The following MAP3K4 variants were observed in gnomAD, a reference collection of about 807,000 sequenced individuals.
MAP3K4 encodes mitogen-activated protein kinase kinase kinase 4.
A neutral mutation model predicts 185.6 loss-of-function variants in MAP3K4; 67 were observed. That is an observed-to-expected ratio of 0.36 (90% CI 0.30 to 0.44). The LOEUF (loss-of-function observed/expected upper bound fraction) is 0.44. MAP3K4 is among the 20% of genes least tolerant of loss of function. MAP3K4 has a pLI of 1.00. For missense variants in MAP3K4, 1,551 were observed against 1,995.1 expected, an observed-to-expected ratio of 0.78 and a Z score of 4.24; for synonymous variants, 702 against 710.4, an observed-to-expected ratio of 0.99 and a Z score of 0.19.
chr6:161,016,238 T>A (rs1342383493), intron 1 of MAP3K4, among the ~76,000 whole-genome samples: 5 of 152,322 alleles, frequency 3.3e-5, no homozygotes, highest in Middle Eastern at 3.4e-3. Flanking sequence ...GTTCTTTGTA[T>A]ATTCTTTATA....
At chr6:161,102,891 C>G (rs774367077) in intron 19 of MAP3K4, 112 bp downstream of exon 19, 30 of 636,278 alleles carry the variant, frequency 4.7e-5, no homozygotes, top group Non-Finnish European at 7.2e-5. Context: ...ATTAGGCCTC[C>G]TCCATTACTA....
rs1777789242 is a variant in MAP3K4, at chr6:161,100,461, TATC to T, written c.3675-1427_3675-1425del. Among the ~76,000 whole-genome samples, 1 of 152,176 alleles carries T rather than the reference TATC, an allele frequency of 6.6e-6. No homozygotes were observed. Among genetic ancestry groups the T allele is most frequent in the African/African-American group, 2.4e-5 (1 of 41,428 alleles). On this transcript the variant is annotated intron_variant, in intron 17 of 26. Transcript: ENST00000392142. The surrounding 1 kb of genome is among the most constrained non-coding windows in gnomAD (Gnocchi z 5.8). Reference sequence around the variant, plus strand: ...TATCTGTTCTGGGCTTAAGTTATCTTATCATCGTTTGTAAAAACACTTTGCAGT... The same window carrying T: ...TATCTGTTCTGGGCTTAAGTTATCTTATCGTTTGTAAAAACACTTTGCAGT...
intron 1 of MAP3K4, among the ~76,000 whole-genome samples, chr6:161,006,542 T>C (rs572929727): frequency 6.6e-6 from 1 of 152,350 alleles, no homozygotes; most frequent in East Asian, 1.9e-4. Flanking sequence ...TATCAGACAG[T>C]TGAGCATCCC....
rs12110787 is a variant in MAP3K4, at chr6:161,053,934, A to C, written c.1707+3955A>C. On this transcript the variant is annotated intron_variant, in intron 3 of 26. Transcript: ENST00000392142. The surrounding 1 kb of genome is among the most constrained non-coding windows in gnomAD (Gnocchi z 4.2). ...AATTGTTAAAATATCTGAACTGACA[A>C]GGTACCACAGATTGTACATAATGCA... 0.16 allele frequency among the ~76,000 whole-genome samples: 24,871 copies of C among 152,054 alleles called. 2,481 individuals carry two copies. Among genetic ancestry groups the C allele is most frequent in the East Asian group, 0.34 (1,737 of 5,148 alleles).
Position 161,091,275 on chromosome 6 carries a change from A to G in MAP3K4, c.2974-104A>G. On this transcript the variant is annotated intron_variant, in intron 11 of 26. Coordinates refer to ENST00000392142, the MANE Select transcript of MAP3K4 (RefSeq NM_005922.4). This position sits in a 1 kb window ranked among gnomAD's most constrained non-coding sequence, Gnocchi z 5.5. ...TTTACCAAGTGGCTGAATTGTTTGT[A>G]GTGGTTAATGTCTGTGTGATGATGA... 1 of 808,734 alleles carries G rather than the reference A, an allele frequency of 1.2e-6. No homozygotes were observed. The highest frequency in any genetic ancestry group is 2.4e-5 in the South Asian group (1 of 41,354). The allele number at this position is 808,734 out of a possible 1,614,324, so 50.1% of individuals were successfully genotyped here. A position where few individuals can be genotyped will look rare whatever the true frequency, so the allele number is the denominator to read the frequency against.
intron 1 of MAP3K4, among the ~76,000 whole-genome samples, chr6:161,000,768 C>T (rs1443310221): frequency 2.6e-5 from 4 of 151,312 alleles, no homozygotes; most frequent in Non-Finnish European, 4.4e-5. Flanking sequence ...TGTATACACA[C>T]ATATGTGTAC....
chr6:160,994,800 G>T (rs527737892), intron 1 of MAP3K4, among the ~76,000 whole-genome samples: 1 of 152,084 alleles, frequency 6.6e-6, no homozygotes, highest in Non-Finnish European at 1.5e-5. Context: ...TCCCGAGTTC[G>T]AGCAATTCTC....
intron 1 of MAP3K4, among the ~76,000 whole-genome samples, chr6:160,993,746 A>C (rs1780855694): frequency 6.6e-6 from 1 of 152,240 alleles, no homozygotes; most frequent in East Asian, 1.9e-4. Flanking sequence ...AAAAAAAAAA[A>C]AAAACTTGAC....
chr6:161,026,241 C>T (rs1782645984), intron 1 of MAP3K4, among the ~76,000 whole-genome samples: 1 of 152,052 alleles, frequency 6.6e-6, no homozygotes. Flanking sequence ...TGCCATTCTC[C>T]TGCCTCAGCC....
rs971558252 is a variant in MAP3K4, at chr6:161,053,684, C to A, written c.1707+3705C>A. 2.0e-5 allele frequency among the ~76,000 whole-genome samples: 3 copies of A among 150,770 alleles called. No homozygotes were observed. Among genetic ancestry groups the A allele is most frequent in the African/African-American group, 7.3e-5 (3 of 40,828 alleles). ...TCGGCTCACTGCAACCTCTGTCTCC[C>A]GGGTTCAGGCAATTCTCCTGTCTCA... On this transcript the variant is annotated intron_variant, in intron 3 of 26. Coordinates refer to ENST00000392142, the MANE Select transcript of MAP3K4 (RefSeq NM_005922.4). The surrounding 1 kb of genome is among the most constrained non-coding windows in gnomAD (Gnocchi z 4.2).
intron 11 of MAP3K4, among the ~76,000 whole-genome samples, chr6:161,090,797 G>A (rs9355871): frequency 0.49 from 43,836 of 90,184 alleles, 8,693 homozygotes; most frequent in East Asian, 0.88. Context: ...ACTCTTGGTC[G>A]TGGAGGGCCG....
intron 11 of MAP3K4, among the ~76,000 whole-genome samples, chr6:161,089,859 A>T (rs1259584890): frequency 1.3e-5 from 2 of 152,202 alleles, no homozygotes; most frequent in African/African-American, 2.4e-5. Context: ...AGATTTATTT[A>T]TTGTTTTGTT....
rs71565787 is a variant in MAP3K4 at position 161,075,871 on chromosome 6, G to A, written c.2097+2259G>A. ...GTGTTTTAAAATTATGGCCTATAAT[G>A]TGCTAGAAGGATCAGGGCAAAGGTG... is the stretch of plus-strand genomic sequence containing the variant. On this transcript the variant is annotated intron_variant, in intron 5 of 26. Coordinates refer to ENST00000392142, the MANE Select transcript of MAP3K4 (RefSeq NM_005922.4). The surrounding 1 kb of genome is among the most constrained non-coding windows in gnomAD (Gnocchi z 4.3). Among the ~76,000 whole-genome samples the A allele has an allele frequency of 0.058, 8,757 of 152,226 alleles. 415 individuals are homozygous for A. Among genetic ancestry groups the A allele is most frequent in the East Asian group, 0.25 (1,308 of 5,178 alleles).
At chr6:161,079,316 G>A (rs148018298) in intron 5 of MAP3K4, among the ~76,000 whole-genome samples, 3 of 151,512 alleles carry the variant, frequency 2.0e-5, no homozygotes, top group Admixed American at 6.6e-5. Context: ...AGTGGTTCAC[G>A]CCTGTAATCC....
intron 1 of MAP3K4, among the ~76,000 whole-genome samples, chr6:160,998,714 T>G (rs1325699923): frequency 1.3e-5 from 2 of 152,164 alleles, no homozygotes; most frequent in African/African-American, 4.8e-5. Context: ...ATAGAAATAT[T>G]TAAAATCTAG....
rs967616738 is a variant in MAP3K4, at chr6:161,097,330, T to G, written c.3524+154T>G. On this transcript the variant is annotated intron_variant, in intron 16 of 26. Coordinates refer to ENST00000392142, the MANE Select transcript of MAP3K4 (RefSeq NM_005922.4). This position sits in a 1 kb window ranked among gnomAD's most constrained non-coding sequence, Gnocchi z 4.9. ...TCTTACTTGCATTATCTTGAAACCT[T>G]TAGTCGCAAAAGAAAAAGACATGCA... is the stretch of plus-strand genomic sequence containing the variant. 4.6e-5 allele frequency among the ~76,000 whole-genome samples: 7 copies of G among 152,200 alleles called. No homozygotes were observed. Among genetic ancestry groups the G allele is most frequent in the African/African-American group, 1.7e-4 (7 of 41,450 alleles).
At chr6:161,111,749 T>G in intron 23 of MAP3K4, 87 bp from the exon 24 acceptor site, 1 of 1,283,538 alleles carries the variant, frequency 7.8e-7, no homozygotes, top group Non-Finnish European at 1.1e-6. Context: ...AGCTTGTGAA[T>G]GAAGTTCCTG....
intron 15 of MAP3K4, among the ~76,000 whole-genome samples, chr6:161,094,747 G>T: frequency 6.6e-6 from 1 of 152,130 alleles, no homozygotes; most frequent in East Asian, 1.9e-4. Context: ...TCCCAAGGTT[G>T]TCGTGAAAAT....
Position 161,093,185 on chromosome 6 carries a change from A to G in MAP3K4, c.3348+129A>G. 1 of 624,392 alleles carries G rather than the reference A, an allele frequency of 1.6e-6. No individual in the cohort carries two copies. The allele number at this position is 624,392 out of a possible 1,614,324, so 38.7% of individuals were successfully genotyped here. A position where few individuals can be genotyped will look rare whatever the true frequency, so the allele number is the denominator to read the frequency against. On this transcript the variant is annotated intron_variant, in intron 14 of 26. Coordinates refer to ENST00000392142, the MANE Select transcript of MAP3K4 (RefSeq NM_005922.4). This position sits in a 1 kb window ranked among gnomAD's most constrained non-coding sequence, Gnocchi z 5.2. Reference sequence around the variant, plus strand: ...ATTAATCTCAGCATATCATGTAATGATAATGCTGAGAAATTAAAGTACTCC... The same window carrying G: ...ATTAATCTCAGCATATCATGTAATGGTAATGCTGAGAAATTAAAGTACTCC...
Sources: allele counts gnomAD v4.1 joint callset (sites outside exome capture counted in the v4.1 genomes callset), GRCh38; gene constraint gnomAD v4.1.1; non-coding constraint Gnocchi (gnomAD v3.1); transcripts MANE v1.5; gene names NCBI Gene and HGNC (gene_info 2026-07-23, HGNC 2026-07-21).